Variants in ZBTB16 observed in about 807,000 individuals in gnomAD.
ZBTB16 encodes the protein zinc finger and BTB domain containing 16, also known as zinc finger and BTB domain-containing protein 16.
A neutral mutation model predicts 56.8 loss-of-function variants in ZBTB16; 8 were observed. The observed-to-expected ratio is 0.14, with a 90% CI of 0.08 to 0.25. ZBTB16 has a LOEUF of 0.25. Among genes scored for constraint, ZBTB16 ranks in the 10% least tolerant of loss-of-function variants. ZBTB16 has a pLI of 1.00. For synonymous variants in ZBTB16, 363 were observed against 368.5 expected (o/e 0.98, Z 0.17); for missense variants, 625 against 903.0 (o/e 0.69, Z 3.95).
chr11:114,202,911 G>A (rs7106271), intron 4 of ZBTB16, among the ~76,000 whole-genome samples: 23,352 of 152,068 alleles, frequency 0.15, 2,521 homozygotes, highest in African/African-American at 0.31. Flanking sequence ...GTGGGAGAGA[G>A]ACAAATGACA....
At position 114,256,022 on chromosome 11, in the gene ZBTB16, G is replaced by GTTTTTT. The variant is rs61107073; in HGVS notation, c.*5474_*5479dup. Among the ~76,000 whole-genome samples, 1 of 143,082 alleles carries GTTTTTT rather than the reference G, an allele frequency of 7.0e-6. No individual in the cohort carries two copies. Among genetic ancestry groups the GTTTTTT allele is most frequent in the African/African-American group, 2.6e-5 (1 of 38,558 alleles). The allele number at this position is 143,082 out of a possible 152,430, so 93.9% of individuals were successfully genotyped here. On this transcript the variant is annotated 3_prime_UTR_variant, in exon 7 of 7. Coordinates refer to ENST00000335953, the MANE Select transcript of ZBTB16 (RefSeq NM_006006.6). ...TTATTGAAGTACTTGGTTTTGTTTTGTTTTTTTTTTTTGTTTTTTTTGCCT... is the reference window on the plus strand; with the variant it reads ...TTATTGAAGTACTTGGTTTTGTTTTGTTTTTTTTTTTTTTTTTTGTTTTTTTTGCCT...
At chr11:114,159,937 C>CGGGGTGG (rs1555145907) in intron 3 of ZBTB16, among the ~76,000 whole-genome samples, 2 of 93,838 alleles carry the variant, frequency 2.1e-5, no homozygotes, top group Non-Finnish European at 2.0e-5. Context: ...GCGGGGGAGG[C>CGGGGTGG]GGGGGGGAGG....
At chr11:114,101,822 A>G (rs1940617166) in intron 2 of ZBTB16, among the ~76,000 whole-genome samples, 1 of 152,102 alleles carries the variant, frequency 6.6e-6, no homozygotes, top group South Asian at 2.1e-4. Context: ...TGCATTTTTC[A>G]TGTCATTGCC....
chr11:114,178,376 G>T (rs1165762195), intron 3 of ZBTB16, among the ~76,000 whole-genome samples: 1 of 152,158 alleles, frequency 6.6e-6, no homozygotes. Flanking sequence ...AACACTCTGA[G>T]CCCAGTTTTC....
chr11:114,222,212 CTT>C (rs1225608378), intron 4 of ZBTB16, among the ~76,000 whole-genome samples: 2 of 152,254 alleles, frequency 1.3e-5, no homozygotes, highest in East Asian at 3.9e-4. Context: ...CTCTCAATGA[CTT>C]TTGCCCGAAG....
At chr11:114,066,509 AT>A (rs1939124071) in intron 2 of ZBTB16, among the ~76,000 whole-genome samples, 2 of 152,220 alleles carry the variant, frequency 1.3e-5, no homozygotes, top group South Asian at 4.1e-4. Flanking sequence ...AGAACTGGGT[AT>A]GGTGGGAAGT....
intron 4 of ZBTB16, among the ~76,000 whole-genome samples, chr11:114,231,591 T>C (rs897587492): frequency 3.9e-5 from 6 of 152,152 alleles, no homozygotes; most frequent in African/African-American, 1.4e-4. Flanking sequence ...TTCCTAAAAA[T>C]CCCCATCTCA....
At chr11:114,093,496 G>A (rs561842448) in intron 2 of ZBTB16, among the ~76,000 whole-genome samples, 1 of 152,236 alleles carries the variant, frequency 6.6e-6, no homozygotes, top group African/African-American at 2.4e-5. Context: ...TGAGAGAGGC[G>A]GTGAATAAAC....
chr11:114,064,058 G>A lies in ZBTB16; in HGVS notation c.758G>A (p.Ser253Asn). 1 of 1,613,572 alleles carries A rather than the reference G, an allele frequency of 6.2e-7. No homozygotes were observed. Among genetic ancestry groups the A allele is most frequent in the Non-Finnish European group, 8.5e-7 (1 of 1,179,822 alleles). Residue 253 changes from serine (S) to asparagine (N), a missense_variant, in exon 2 of 7, where the codon AGC becomes AAC. Ser to Asn is a conservative substitution (Grantham distance 46, BLOSUM62 1). Coordinates refer to ENST00000335953, the MANE Select transcript of ZBTB16 (RefSeq NM_006006.6). This position sits in a 1 kb window ranked among gnomAD's most constrained non-coding sequence, Gnocchi z 4.2. ...ATGATGCAGGTGGATGAGGTGCCCA[G>A]CCAGGACAGCCCTGGGGCAGCCGAG... ...TEMMQVDEVP[S>N]QDSPGAAESS...
chr11:114,196,706 C>T (rs539966806), intron 4 of ZBTB16, among the ~76,000 whole-genome samples: 153 of 152,266 alleles, frequency 1.0e-3, no homozygotes, highest in African/African-American at 3.5e-3. Context: ...AAATTGGGCC[C>T]TGCCTTCCTG....
In ZBTB16 at chr11:114,211,652, C is replaced by T. The variant is rs537449377; in HGVS notation, c.1453+24614C>T. Among the ~76,000 whole-genome samples, 5 of 152,256 alleles carry T rather than the reference C, an allele frequency of 3.3e-5. 1 individual carries two copies. The highest frequency in any genetic ancestry group is 4.1e-4 in the South Asian group (2 of 4,820). On this transcript the variant is annotated intron_variant, in intron 4 of 6. Transcript: ENST00000335953. ...CTCCCCCGCATTGGGGTGTTATTGG[C>T]GACCCGCCCCATTTCCTGCTTGTCC...
chr11:114,229,010 G>A (rs770842243), intron 4 of ZBTB16, among the ~76,000 whole-genome samples: 2 of 152,132 alleles, frequency 1.3e-5, no homozygotes, highest in African/African-American at 2.4e-5. Context: ...TGCAGAGTCG[G>A]GGTGAGTAAG....
At chr11:114,174,901 T>C (rs1021214289) in intron 3 of ZBTB16, among the ~76,000 whole-genome samples, 1 of 152,162 alleles carries the variant, frequency 6.6e-6, no homozygotes, top group African/African-American at 2.4e-5. Context: ...TCAGTAGGCA[T>C]AGAAGGCTGT....
rs1157119194 is a variant in ZBTB16, at chr11:114,064,101, G to A, written c.801G>A (p.Gly267=). The A allele has an allele frequency of 3.1e-6, 5 of 1,613,808 alleles. No individual in the cohort carries two copies. The Admixed American group carries it at 8.3e-5, about 27-fold the overall frequency. Residue 267 remains glycine (G), a synonymous_variant, in exon 2 of 7, where the codon GGG becomes GGA. Coordinates refer to ENST00000335953, the MANE Select transcript of ZBTB16 (RefSeq NM_006006.6). This position sits in a 1 kb window ranked among gnomAD's most constrained non-coding sequence, Gnocchi z 4.2. ...CAGCCGAGTCCAGCATCTCAGGAGG[G>A]ATGGGGGACAAGGTTGAGGAAAGAG... is the stretch of plus-strand genomic sequence containing the variant. ...PGAAESSISG[G]MGDKVEERGK... is the part of the protein sequence containing the mutation.
At chr11:114,230,967 AT>A (rs1944433487) in intron 4 of ZBTB16, among the ~76,000 whole-genome samples, 1 of 151,772 alleles carries the variant, frequency 6.6e-6, no homozygotes, top group Non-Finnish European at 1.5e-5. Context: ...TTTACTGGAA[AT>A]TTTACATGAG....
chr11:114,203,205 A>C (rs1943775269), intron 4 of ZBTB16, among the ~76,000 whole-genome samples: 1 of 152,234 alleles, frequency 6.6e-6, no homozygotes, highest in African/African-American at 2.4e-5. Context: ...GCAAGACATG[A>C]AAGGCCATGA....
intron 4 of ZBTB16, among the ~76,000 whole-genome samples, chr11:114,237,699 A>G (rs1467560746): frequency 6.9e-6 from 1 of 144,924 alleles, no homozygotes; most frequent in African/African-American, 2.4e-5. Context: ...CTCATCATAC[A>G]TGCGAACAAT....
rs375108416 is a variant in ZBTB16, at chr11:114,075,351, G to A, written c.1268+10783G>A. ...AGAGCAGTGTTGTTAAGTAGGTGAT[G>A]TATAGAGAATACATGGCCCAGCGTC... On this transcript the variant is annotated intron_variant, in intron 2 of 6. Coordinates refer to ENST00000335953, the MANE Select transcript of ZBTB16 (RefSeq NM_006006.6). 7.9e-5 allele frequency among the ~76,000 whole-genome samples: 12 copies of A among 152,298 alleles called. No individual in the cohort carries two copies. The East Asian group carries it at 1.5e-3, about 20-fold the overall frequency.
intron 2 of ZBTB16, among the ~76,000 whole-genome samples, chr11:114,096,257 A>G (rs951667668): frequency 3.3e-5 from 5 of 152,252 alleles, no homozygotes; most frequent in Middle Eastern, 3.4e-3. Flanking sequence ...GGCTTTGGAT[A>G]TTGGAGAGCT....
Sources: gnomAD v4.1 joint callset for allele counts (sites outside exome capture counted in the v4.1 genomes callset) on GRCh38, gnomAD v4.1.1 for gene constraint, Gnocchi (gnomAD v3.1) non-coding constraint, MANE v1.5 for transcripts, NCBI Gene and HGNC (gene_info 2026-07-23, HGNC 2026-07-21) for gene names.